ANKRD24: variants seen among roughly 807,000 people sequenced by gnomAD.
ANKRD24 encodes ankyrin repeat domain 24.
ANKRD24 carries 109 observed loss-of-function variants against 127.8 expected under a neutral mutation model. The ratio of observed to expected loss-of-function variants is 0.85; its 90% confidence interval spans 0.73 to 1.00. The LOEUF (loss-of-function observed/expected upper bound fraction) is 1.00. Ranked by LOEUF, ANKRD24 falls within the 50% of genes least tolerant of loss-of-function variation. ANKRD24 has a pLI of 0.00. For missense variants in ANKRD24, 1,648 were observed against 1,570.2 expected (o/e 1.05, Z -0.84); for synonymous variants, 743 against 671.1 (o/e 1.11, Z -1.66).
In ANKRD24 at chr19:4,199,652, C is replaced by A; in HGVS notation, c.37-31C>A. On this transcript the variant is annotated intron_variant, in intron 2 of 21. Coordinates refer to ENST00000318934, the MANE Select transcript of ANKRD24 (RefSeq NM_001393985.1). This position sits in a 1 kb window ranked among gnomAD's most constrained non-coding sequence, Gnocchi z 5.2. ...AGGCTTGGGGGACACTGTCTGAGGA[C>A]CCCCTCGCCCAGGACCACCTCCCCC... 2 of 1,507,698 alleles carry A rather than the reference C, an allele frequency of 1.3e-6. No homozygotes were observed. The highest frequency in any genetic ancestry group is 1.8e-6 in the Non-Finnish European group (2 of 1,133,810). The allele number at this position is 1,507,698 out of a possible 1,614,324, so 93.4% of individuals were successfully genotyped here.
At position 4,216,614 on chromosome 19, in the gene ANKRD24, C is replaced by T. The variant is rs752828452; in HGVS notation, c.1454C>T (p.Pro485Leu). Residue 485 changes from proline to leucine, a missense_variant, in exon 18 of 22, where the codon CCT becomes CTT. Pro to Leu is a moderately conservative substitution (Grantham distance 98, BLOSUM62 -3). Coordinates refer to ENST00000318934, the MANE Select transcript of ANKRD24 (RefSeq NM_001393985.1). ...MEVEALAEVIPLALYDSLRAE... is the reference protein window; with the variant it reads ...MEVEALAEVILLALYDSLRAE... ...GTGGAAGCTTTGGCAGAGGTCATCC[C>T]TCTTGCCCTCTATGACTCTCTCCGG... 3 of 1,611,144 alleles carry T rather than the reference C, an allele frequency of 1.9e-6. No individual in the cohort carries two copies. The highest frequency in any genetic ancestry group is 3.4e-5 in the Admixed American group (2 of 59,532).
chr19:4,210,422 T>A (rs1229654364), intron 13 of ANKRD24, 50 bp downstream of exon 13: 2 of 1,437,160 alleles, frequency 1.4e-6, no homozygotes, highest in African/African-American at 2.9e-5. Context: ...GTGGGGTCAA[T>A]GCAGGCATGA....
Position 4,218,183 on chromosome 19 carries a change from AC to A in ANKRD24, c.3003+23del, listed in dbSNP as rs1157817392. The A allele has an allele frequency of 2.0e-5, 28 of 1,431,006 alleles. No homozygotes were observed. Among genetic ancestry groups the A allele is most frequent in the Non-Finnish European group, 2.4e-5 (26 of 1,089,428 alleles). The allele number at this position is 1,431,006 out of a possible 1,614,324, so 88.6% of individuals were successfully genotyped here. A position where few individuals can be genotyped will look rare whatever the true frequency, so the allele number is the denominator to read the frequency against. ...TTCCAGGTGAGCAGGGCTGGTCACCACCCGGGCCCCACCCCCATTGGCCACG... is the reference window on the plus strand; with the variant it reads ...TTCCAGGTGAGCAGGGCTGGTCACCACCGGGCCCCACCCCCATTGGCCACG... On this transcript the variant is annotated intron_variant, in intron 18 of 21. Coordinates refer to ENST00000318934, the MANE Select transcript of ANKRD24 (RefSeq NM_001393985.1).
At position 4,195,991 on chromosome 19, in the gene ANKRD24, A is replaced by G. The variant is rs62130862; in HGVS notation, c.37-3692A>G. Among the ~76,000 whole-genome samples the G allele has an allele frequency of 0.42, 64,474 of 152,102 alleles. 13,928 individuals are homozygous for G. The highest frequency in any genetic ancestry group is 0.46 in the Middle Eastern group (135 of 294). The stretch of plus-strand genomic sequence containing the variant: ...CCCTAAGCCAGTGGTCAATGTGTCA[A>G]TGGAGGGACACTTGCCAGTGTTGGG... On this transcript the variant is annotated intron_variant, in intron 2 of 21. Coordinates refer to ENST00000318934, the MANE Select transcript of ANKRD24 (RefSeq NM_001393985.1). The surrounding 1 kb of genome is among the most constrained non-coding windows in gnomAD (Gnocchi z 4.2).
chr19:4,216,183 G>C (rs1342026338), intron 16 of ANKRD24, 101 bp from the exon 17 acceptor site: 1 of 1,403,358 alleles, frequency 7.1e-7, no homozygotes, highest in African/African-American at 1.4e-5. Context: ...ATTCTGCTTG[G>C]CTGAGCCTGC....
intron 13 of ANKRD24, among the ~76,000 whole-genome samples, chr19:4,212,208 A>G (rs948213907): frequency 1.3e-5 from 2 of 152,126 alleles, no homozygotes; most frequent in African/African-American, 4.8e-5. Context: ...TCAAAAAAAA[A>G]GATAAATAAA....
At position 4,217,742 on chromosome 19, in the gene ANKRD24, G is replaced by A; in HGVS notation, c.2582G>A (p.Arg861Lys). ...CTGCGGGAGCAGCTGGCCACGGCCA[G>A]GGCCACGGGGGAGCAGCAGCGCACG... ...EVLREQLATARATGEQQRTAA... is the reference protein window; with the variant it reads ...EVLREQLATAKATGEQQRTAA... The change falls in exon 18 of 22, where the codon AGG becomes AAG. Residue 861 changes from arginine (R) to lysine (K), a missense_variant. Transcript: ENST00000318934. 1 of 1,295,412 alleles carries A rather than the reference G, an allele frequency of 7.7e-7. No homozygotes were observed. Among genetic ancestry groups the A allele is most frequent in the South Asian group, 2.1e-5 (1 of 46,558 alleles). 80.2% of individuals were successfully genotyped at this position (1,295,412 alleles called of 1,614,324 possible).
chr19:4,188,866 G>A (rs767693438), intron 2 of ANKRD24, among the ~76,000 whole-genome samples: 6 of 152,264 alleles, frequency 3.9e-5, no homozygotes, highest in Admixed American at 1.3e-4. Context: ...GGAATGCAGT[G>A]GCACGATCTC....
At chr19:4,213,430 TTC>T (rs1491047613) in intron 15 of ANKRD24, among the ~76,000 whole-genome samples, 1 of 150,100 alleles carries the variant, frequency 6.7e-6, no homozygotes, top group Non-Finnish European at 1.5e-5. Context: ...CCTTCCTTTC[TTC>T]TCTCTTTCCT....
intron 7 of ANKRD24, 157 bp from the exon 8 acceptor site, chr19:4,207,085 C>CTTTTTT (rs34475477): frequency 7.0e-6 from 3 of 430,570 alleles, no homozygotes; most frequent in Non-Finnish European, 8.1e-6. Context: ...ATAATGTTTG[C>CTTTTTT]TTTTTTTTTT....
intron 2 of ANKRD24, among the ~76,000 whole-genome samples, chr19:4,193,216 C>A (rs145578307): frequency 7.1e-6 from 1 of 141,060 alleles, no homozygotes; most frequent in Non-Finnish European, 1.5e-5. Context: ...GCAGGAGAAT[C>A]GCTTGAATCC....
rs139056414 is a variant in ANKRD24, at chr19:4,207,739, G to A, written c.645-42G>A. On this transcript the variant is annotated intron_variant, in intron 9 of 21. Transcript: ENST00000318934. ...GGTGCTGAGGTGGGCATGGGGGCTT[G>A]GGGGATGTTCTCATCTCCTCAGTAG... 3,249 of 1,569,980 alleles carry A rather than the reference G, an allele frequency of 2.1e-3. 70 individuals are homozygous for A. The African/African-American group carries it at 0.04, about 20-fold the overall frequency.
intron 13 of ANKRD24, among the ~76,000 whole-genome samples, chr19:4,212,002 C>G (rs779262297): frequency 6.6e-6 from 1 of 151,978 alleles, no homozygotes; most frequent in Non-Finnish European, 1.5e-5. Flanking sequence ...AGATCGAGAC[C>G]ATCCTGGCTA....
Position 4,217,985 on chromosome 19 carries a change from C to A in ANKRD24, c.2825C>A (p.Ala942Asp), listed in dbSNP as rs1228764208. The A allele has an allele frequency of 2.0e-6, 3 of 1,524,034 alleles. No individual in the cohort carries two copies. Among genetic ancestry groups the A allele is most frequent in the Admixed American group, 4.0e-5 (2 of 49,960 alleles). 94.4% of individuals were successfully genotyped at this position (1,524,034 alleles called of 1,614,324 possible). A position where few individuals can be genotyped will look rare whatever the true frequency, so the allele number is the denominator to read the frequency against. ...RAASLEQEVV[A>D]TGKEAARLRA... ...GCCAGTCTGGAGCAGGAGGTGGTGGCCACGGGCAAGGAGGCCGCCCGGCTG... is the reference window on the plus strand; with the variant it reads ...GCCAGTCTGGAGCAGGAGGTGGTGGACACGGGCAAGGAGGCCGCCCGGCTG... Residue 942 changes from alanine to aspartate, a missense_variant, in exon 18 of 22, where the codon GCC becomes GAC. Physicochemically the swap from Ala to Asp is moderately radical, Grantham distance 126 (BLOSUM62 -2). Transcript: ENST00000318934.
chr19:4,217,949 G>T lies in ANKRD24; in HGVS notation c.2789G>T (p.Arg930Leu). The T allele has an allele frequency of 6.6e-7, 1 of 1,507,316 alleles. No individual in the cohort carries two copies. Among genetic ancestry groups the T allele is most frequent in the Non-Finnish European group, 8.8e-7 (1 of 1,135,496 alleles). The allele number at this position is 1,507,316 out of a possible 1,614,324, so 93.4% of individuals were successfully genotyped here. ...CTGCAGGAGGAGGCCCTGGAGCTGC[G>T]GGGCCGGGCAGCCAGTCTGGAGCAG... ...RRLQEEALEL[R>L]GRAASLEQEV... The change falls in exon 18 of 22, where the codon CGG becomes CTG. Residue 930 changes from arginine to leucine, a missense_variant. Arg to Leu is a moderately radical substitution (Grantham distance 102, BLOSUM62 -2). Coordinates refer to ENST00000318934, the MANE Select transcript of ANKRD24 (RefSeq NM_001393985.1).
chr19:4,208,978 C>A, intron 11 of ANKRD24, 177 bp downstream of exon 11: 1 of 580,088 alleles, frequency 1.7e-6, no homozygotes. Context: ...GCCTAACTCC[C>A]AGAACTGGGT....
chr19:4,201,090 G>C (rs1281370723), intron 5 of ANKRD24, among the ~76,000 whole-genome samples: 1 of 152,132 alleles, frequency 6.6e-6, no homozygotes, highest in African/African-American at 2.4e-5. Context: ...TCTAGGAGTA[G>C]CTGGAGCTGT....
At chr19:4,196,703 C>A (rs979201491) in intron 2 of ANKRD24, among the ~76,000 whole-genome samples, 3 of 152,192 alleles carry the variant, frequency 2.0e-5, no homozygotes, top group African/African-American at 7.2e-5. Context: ...ATGCCAATTA[C>A]CTGCAAGGGT....
intron 7 of ANKRD24, among the ~76,000 whole-genome samples, chr19:4,203,945 CG>C (rs1431053710): frequency 5.6e-5 from 8 of 143,560 alleles, no homozygotes; most frequent in Non-Finnish European, 1.2e-4. Flanking sequence ...GCCACCGTGC[CG>C]GCCCTTCTCC....
Sources: gnomAD v4.1 joint callset for allele counts (sites outside exome capture counted in the v4.1 genomes callset) on GRCh38, gnomAD v4.1.1 for gene constraint, Gnocchi (gnomAD v3.1) non-coding constraint, MANE v1.5 for transcripts, NCBI Gene and HGNC (gene_info 2026-07-23, HGNC 2026-07-21) for gene names.